Variants in KLRG1 observed in about 807,000 individuals in gnomAD.
KLRG1 encodes the protein killer cell lectin-like receptor subfamily G member 1.
Under a neutral mutation model 21.8 loss-of-function variants are expected in KLRG1, and 16 were observed. That is an observed-to-expected ratio of 0.73 (90% CI 0.50 to 1.11). The LOEUF (loss-of-function observed/expected upper bound fraction) is 1.11. Among genes scored for constraint, KLRG1 ranks in the 50% most tolerant of loss-of-function variants. KLRG1 has a pLI of 0.00. For synonymous variants in KLRG1, 69 were observed against 75.9 expected (o/e 0.91, Z 0.47); for missense variants, 173 against 218.3 (o/e 0.79, Z 1.31).
the KLRG1 span, chr12:9,069,777 T>A: frequency 6.2e-7 from 1 of 1,613,156 alleles, no homozygotes; most frequent in Non-Finnish European, 8.5e-7. Flanking sequence ...TGGTTGCTGC[T>A]GACTTCTGTC....
the KLRG1 span, among the ~76,000 whole-genome samples, chr12:9,142,305 T>C: frequency 6.6e-6 from 1 of 152,216 alleles, no homozygotes; most frequent in Non-Finnish European, 1.5e-5. Flanking sequence ...TATTAATGTT[T>C]CATTTATTAA....
chr12:9,135,568 A>G, the KLRG1 span: 1 of 341,344 alleles, frequency 2.9e-6, no homozygotes, highest in South Asian at 2.9e-5. Flanking sequence ...CCCTTCCAAA[A>G]ACTACAGTAT....
At chr12:8,976,270 C>T (rs897766611) in intron 1 of KLRG1, among the ~76,000 whole-genome samples, 10 of 152,178 alleles carry the variant, frequency 6.6e-5, no homozygotes, top group East Asian at 3.9e-4. Context: ...TGTGGATCTT[C>T]TCATTTTATT....
chr12:8,981,084 CTG>C (rs1345726826), intron 1 of KLRG1, among the ~76,000 whole-genome samples: 3 of 152,158 alleles, frequency 2.0e-5, no homozygotes, highest in Non-Finnish European at 4.4e-5. Flanking sequence ...CTATTTTCAT[CTG>C]TGGATAATTG....
At chr12:9,143,282 C>T in the KLRG1 span, among the ~76,000 whole-genome samples, 279 of 152,266 alleles carry the variant, frequency 1.8e-3, no homozygotes, top group African/African-American at 5.4e-3. Flanking sequence ...GCAATACCTT[C>T]GACCCTAGCC....
In KLRG1 at chr12:9,010,364, T is replaced by G. The variant is rs2137456509; in HGVS notation, c.*827T>G. 1 of 198,274 alleles carries G rather than the reference T, an allele frequency of 5.0e-6. No individual in the cohort carries two copies. Among genetic ancestry groups the G allele is most frequent in the Non-Finnish European group, 1.0e-5 (1 of 98,344 alleles). The allele number at this position is 198,274 out of a possible 1,614,324, so 12.3% of individuals were successfully genotyped here. The stretch of plus-strand genomic sequence containing the variant: ...GAATGAACCAATGTGTGATTGTATC[T>G]TTTCCATTATGTGACTGTTTGACCT... On this transcript the variant is annotated 3_prime_UTR_variant, in exon 5 of 5. Coordinates refer to ENST00000356986, the MANE Select transcript of KLRG1 (RefSeq NM_005810.4).
At chr12:9,207,254 T>C in the KLRG1 span, among the ~76,000 whole-genome samples, 1 of 152,188 alleles carries the variant, frequency 6.6e-6, no homozygotes, top group Non-Finnish European at 1.5e-5. Flanking sequence ...GGAGACACGA[T>C]AGGCATCTAG....
At chr12:9,184,814 C>T in the KLRG1 span, among the ~76,000 whole-genome samples, 1 of 152,212 alleles carries the variant, frequency 6.6e-6, no homozygotes. Flanking sequence ...GAGCCTTGCT[C>T]CTCCCTGCCT....
chr12:9,064,846 C>T, the KLRG1 span: 27 of 153,012 alleles, frequency 1.8e-4, no homozygotes, highest in Middle Eastern at 2.2e-3. The surrounding 1 kb of genome is among the most constrained non-coding windows in gnomAD (Gnocchi z 4.0). Flanking sequence ...GTGTGGCCAC[C>T]GCGCACACCT....
chr12:8,995,722 A>G (rs1947110409), intron 3 of KLRG1, among the ~76,000 whole-genome samples: 1 of 149,616 alleles, frequency 6.7e-6, no homozygotes, highest in Non-Finnish European at 1.5e-5. Context: ...TCCCTCTGTC[A>G]TCCAGGCTGG....
At chr12:8,971,249 T>A (rs1244977078) in intron 1 of KLRG1, 1 of 147,748 alleles carries the variant, frequency 6.8e-6, no homozygotes, top group Non-Finnish European at 1.5e-5. Context: ...TAACCAATTC[T>A]TTTTTTTTTA....
At chr12:9,036,836 C>T in the KLRG1 span, 1 of 427,858 alleles carries the variant, frequency 2.3e-6, no homozygotes, top group South Asian at 2.0e-5. Context: ...TTGCTGGGTA[C>T]CAGATGACCA....
the KLRG1 span, among the ~76,000 whole-genome samples, chr12:9,047,217 A>G: frequency 1.3e-5 from 2 of 152,248 alleles, no homozygotes; most frequent in Admixed American, 6.5e-5. Flanking sequence ...TAGCAACAAA[A>G]TATTATTAGT....
chr12:9,171,364 C>T, the KLRG1 span, among the ~76,000 whole-genome samples: 1 of 152,232 alleles, frequency 6.6e-6, no homozygotes, highest in South Asian at 2.1e-4. Context: ...GGGCAGCAGC[C>T]TCAAGGATTA....
intron 2 of KLRG1, among the ~76,000 whole-genome samples, chr12:8,992,895 C>G (rs150860563): frequency 2.7e-4 from 41 of 152,056 alleles, no homozygotes; most frequent in Admixed American, 7.2e-4. Context: ...ACCTTTCTTT[C>G]TTTTAATGCA....
intron 1 of KLRG1, among the ~76,000 whole-genome samples, chr12:8,989,994 C>T (rs1329072000): frequency 6.6e-6 from 1 of 152,178 alleles, no homozygotes; most frequent in Non-Finnish European, 1.5e-5. Flanking sequence ...TTCCTTCTTG[C>T]TCTTAGCTAA....
the KLRG1 span, among the ~76,000 whole-genome samples, chr12:9,017,463 C>T: frequency 1.3e-5 from 2 of 151,952 alleles, no homozygotes; most frequent in Non-Finnish European, 2.9e-5. Context: ...GTTCAACATG[C>T]ACATATCAAT....
At chr12:9,086,914 G>A in the KLRG1 span, among the ~76,000 whole-genome samples, 1 of 152,078 alleles carries the variant, frequency 6.6e-6, no homozygotes, top group Non-Finnish European at 1.5e-5. Context: ...AGGGCTGCAA[G>A]AACTTATAAA....
At chr12:9,058,142 G>A in the KLRG1 span, 1 of 152,054 alleles carries the variant, frequency 6.6e-6, no homozygotes, top group African/African-American at 2.4e-5. Flanking sequence ...GAAGTTGATG[G>A]AATTACACTG....
Sources: gnomAD v4.1 joint callset for allele counts (sites outside exome capture counted in the v4.1 genomes callset) on GRCh38, gnomAD v4.1.1 for gene constraint, Gnocchi (gnomAD v3.1) non-coding constraint, MANE v1.5 for transcripts, NCBI Gene and HGNC (gene_info 2026-07-23, HGNC 2026-07-21) for gene names.